Variants in NFIB observed in about 807,000 individuals in gnomAD.
NFIB encodes nuclear factor I B.
In NFIB, 11 loss-of-function variants were observed where a neutral mutation model predicts 61.5. That is an observed-to-expected ratio of 0.18 (90% CI 0.11 to 0.30). The LOEUF is 0.30. Among genes scored for constraint, NFIB ranks in the 10% least tolerant of loss-of-function variants. The pLI, the probability that NFIB is intolerant of heterozygous loss-of-function variation, is 1.00. For synonymous variants in NFIB, 260 were observed against 216.5 expected, an observed-to-expected ratio of 1.20 and a Z score of -1.76; for missense variants, 471 against 608.9, an observed-to-expected ratio of 0.77 and a Z score of 2.38.
the NFIB span, among the ~76,000 whole-genome samples, chr9:14,474,433 A>T: frequency 6.6e-6 from 1 of 152,182 alleles, no homozygotes; most frequent in African/African-American, 2.4e-5. Flanking sequence ...CACATTGGGG[A>T]TTAGGTTTTA....
upstream of NFIB, among the ~76,000 whole-genome samples, chr9:14,315,733 C>T (rs1296602880): frequency 3.3e-5 from 5 of 151,766 alleles, no homozygotes; most frequent in Non-Finnish European, 7.4e-5. Context: ...ACCCTTTCTG[C>T]ACCCCCCGCC....
chr9:14,517,523 A>AT, the NFIB span, among the ~76,000 whole-genome samples: 4 of 152,216 alleles, frequency 2.6e-5, no homozygotes, highest in Non-Finnish European at 5.9e-5. Context: ...ATCTGAGCTT[A>AT]GACCCTTGTC....
the NFIB span, among the ~76,000 whole-genome samples, chr9:14,409,960 C>T: frequency 3.3e-5 from 5 of 152,122 alleles, no homozygotes; most frequent in Admixed American, 2.6e-4. Context: ...TTTGGAAACA[C>T]AGATAAGTTT....
chr9:14,528,045 G>C, the NFIB span, among the ~76,000 whole-genome samples: 1 of 152,046 alleles, frequency 6.6e-6, no homozygotes, highest in Non-Finnish European at 1.5e-5. Context: ...ACATATACTA[G>C]TTTCAGCATT....
intron 2 of NFIB, among the ~76,000 whole-genome samples, chr9:14,285,890 A>G (rs987011612): frequency 3.3e-5 from 5 of 152,216 alleles, no homozygotes; most frequent in Non-Finnish European, 7.3e-5. Flanking sequence ...CATTTTACAC[A>G]AGAAGAAATG....
At position 14,120,665 on chromosome 9, in the gene NFIB, T is replaced by C; in HGVS notation, c.1061-41A>G. 6.5e-7 allele frequency: 1 copy of C among 1,539,038 alleles called. No individual in the cohort carries two copies. Among genetic ancestry groups the C allele is most frequent in the Non-Finnish European group, 8.7e-7 (1 of 1,142,998 alleles). On this transcript the variant is annotated intron_variant, in intron 7 of 10. Transcript: ENST00000380953. The surrounding 1 kb of genome is among the most constrained non-coding windows in gnomAD (Gnocchi z 4.4). ...AAGGAAAGATTGACTCATCAGCTGGTTACCTTATTGCTCCATTCTGATCCT... is the reference window on the plus strand; with the variant it reads ...AAGGAAAGATTGACTCATCAGCTGGCTACCTTATTGCTCCATTCTGATCCT...
chr9:14,322,207 AG>A (rs2060677858), intron 1 of NFIB: 1 of 922,638 alleles, frequency 1.1e-6, no homozygotes. Flanking sequence ...AAAAGCAGGC[AG>A]CCCTTCAGTC....
At chr9:14,420,782 GA>G in the NFIB span, among the ~76,000 whole-genome samples, 3 of 152,048 alleles carry the variant, frequency 2.0e-5, no homozygotes, top group Non-Finnish European at 2.9e-5. Context: ...ACACAGTCCC[GA>G]AACTTCCTAC....
At position 14,130,475 on chromosome 9, in the gene NFIB, G is replaced by C. The variant is rs748328375; in HGVS notation, c.926-4709C>G. Reference sequence around the variant, plus strand: ...GTTTTCTCCTTAAGTAATCTCTCTTGGAAATCCCTGAGATCTAGATTTCAT... The same window carrying C: ...GTTTTCTCCTTAAGTAATCTCTCTTCGAAATCCCTGAGATCTAGATTTCAT... On this transcript the variant is annotated intron_variant, in intron 6 of 10. Coordinates refer to ENST00000380953, the MANE Select transcript of NFIB (RefSeq NM_001190737.2). Among the ~76,000 whole-genome samples, 110 of 151,996 alleles carry C rather than the reference G, an allele frequency of 7.2e-4. 1 individual carries two copies. The highest frequency in any genetic ancestry group is 2.5e-4 in the Non-Finnish European group (17 of 68,000).
chr9:14,388,751 A>G (rs879289357), intron 1 of NFIB, among the ~76,000 whole-genome samples: 4 of 152,202 alleles, frequency 2.6e-5, no homozygotes, highest in Non-Finnish European at 5.9e-5. Flanking sequence ...GTGACATTGT[A>G]TTTCTTAAAA....
rs996689322 is a variant in NFIB, at chr9:14,332,480, A to G, written c.109-24960T>C. 3.5e-4 allele frequency among the ~76,000 whole-genome samples: 54 copies of G among 152,138 alleles called. 1 individual carries two copies. Among genetic ancestry groups the G allele is most frequent in the African/African-American group, 1.3e-3 (52 of 41,426 alleles). ...GCTTTTAGGTTTTTCCTAGAAAGGT[A>G]AGAAATTTAACAGCATCTTGAGCAA... On this transcript the variant is annotated intron_variant, in intron 1 of 8. Coordinates refer to the NFIB transcript ENST00000380934.
chr9:14,346,122 CGCGGGCGCGGGGGGCGCGTG>C (rs2061015426), intron 1 of NFIB, among the ~76,000 whole-genome samples: 1 of 151,942 alleles, frequency 6.6e-6, no homozygotes, highest in Non-Finnish European at 1.5e-5. Flanking sequence ...GGGGGCGCGC[CGCGGGCGCGGGGGGCGCGTG>C]GGGCACGTGT....
the NFIB span, among the ~76,000 whole-genome samples, chr9:14,414,798 T>C: frequency 6.6e-6 from 1 of 152,202 alleles, no homozygotes; most frequent in South Asian, 2.1e-4. Flanking sequence ...TATTTACAAG[T>C]ATATAAATAT....
chr9:14,384,072 G>C (rs576994275), intron 1 of NFIB, among the ~76,000 whole-genome samples: 23 of 152,306 alleles, frequency 1.5e-4, no homozygotes, highest in Admixed American at 8.5e-4. Context: ...TGCTTCATGA[G>C]GAGCACGCCA....
In NFIB at chr9:14,082,786, A is replaced by G. The variant is rs1214522433; in HGVS notation, c.*5523T>C. ...CATACTTCTTAAAAAAAAAAAAAAG[A>G]AAAAAAAAGACTTCCTTCTGCATAA... On this transcript the variant is annotated 3_prime_UTR_variant, in exon 11 of 11. Coordinates refer to ENST00000380953, the MANE Select transcript of NFIB (RefSeq NM_001190737.2). 1 of 195,336 alleles carries G rather than the reference A, an allele frequency of 5.1e-6. No individual in the cohort carries two copies. The highest frequency in any genetic ancestry group is 6.2e-5 in the Admixed American group (1 of 16,242). 12.1% of individuals were successfully genotyped at this position (195,336 alleles called of 1,614,324 possible).
At chr9:14,288,559 T>C (rs1456573907) in intron 2 of NFIB, among the ~76,000 whole-genome samples, 5 of 152,144 alleles carry the variant, frequency 3.3e-5, no homozygotes, top group Non-Finnish European at 5.9e-5. Context: ...GTTTTGGTTT[T>C]GTTACATAAC....
the NFIB span, among the ~76,000 whole-genome samples, chr9:14,511,786 G>A: frequency 1.3e-5 from 2 of 152,240 alleles, no homozygotes; most frequent in South Asian, 2.1e-4. Flanking sequence ...AAGTCACACT[G>A]TCTTAATGTT....
chr9:14,404,305 A>G, the NFIB span, among the ~76,000 whole-genome samples: 2 of 152,190 alleles, frequency 1.3e-5, no homozygotes, highest in African/African-American at 4.8e-5. Context: ...TTTGGTAAAC[A>G]TTTATTGAGT....
At chr9:14,133,983 T>C (rs2040705752) in intron 6 of NFIB, among the ~76,000 whole-genome samples, 1 of 152,126 alleles carries the variant, frequency 6.6e-6, no homozygotes, top group Non-Finnish European at 1.5e-5. Context: ...GTACAATCCT[T>C]TGTACAATAC....
Sources: gnomAD v4.1 joint callset for allele counts (sites outside exome capture counted in the v4.1 genomes callset) on GRCh38, gnomAD v4.1.1 for gene constraint, Gnocchi (gnomAD v3.1) non-coding constraint, MANE v1.5 for transcripts, NCBI Gene and HGNC (gene_info 2026-07-23, HGNC 2026-07-21) for gene names.